Variants in OXCT1 observed in about 807,000 individuals in gnomAD.
OXCT1 encodes 3-oxoacid CoA-transferase 1, also known as succinyl-CoA:3-ketoacid coenzyme A transferase 1, mitochondrial.
In OXCT1, 27 loss-of-function variants were observed where a neutral mutation model predicts 69.6. That is an observed-to-expected ratio of 0.39 (90% CI 0.29 to 0.54). OXCT1 has a LOEUF of 0.54. Ranked by LOEUF, OXCT1 falls within the 20% of genes least tolerant of loss-of-function variation. OXCT1 has a pLI of 0.72. For synonymous variants in OXCT1, 202 were observed against 217.8 expected (o/e 0.93, Z 0.64); for missense variants, 437 against 650.2 (o/e 0.67, Z 3.57).
intron 1 of OXCT1, chr5:41,869,975 C>G (rs1047951142): frequency 8.0e-5 from 35 of 436,504 alleles, no homozygotes; most frequent in African/African-American, 6.6e-4. Context: ...GGGAAGCCGA[C>G]GAGCGCCAAA....
chr5:41,858,580 CT>C (rs780420624), intron 3 of OXCT1, among the ~76,000 whole-genome samples: 10 of 152,110 alleles, frequency 6.6e-5, no homozygotes, highest in African/African-American at 1.4e-4. Context: ...TAGAAAAAGT[CT>C]AAGGCCAAGA....
At chr5:41,769,501 T>A (rs2112132238) in intron 13 of OXCT1, among the ~76,000 whole-genome samples, 1 of 147,130 alleles carries the variant, frequency 6.8e-6, no homozygotes, top group Admixed American at 6.9e-5. Context: ...GGTAGGAGGA[T>A]CACTTAAGCC....
chr5:41,745,853 G>GA, intron 15 of OXCT1, among the ~76,000 whole-genome samples: 1 of 152,062 alleles, frequency 6.6e-6, no homozygotes, highest in Admixed American at 6.6e-5. Context: ...AAACCAGGAA[G>GA]AAGTTGAATC....
At chr5:41,793,643 G>A (rs1488185977) in intron 13 of OXCT1, among the ~76,000 whole-genome samples, 2 of 152,126 alleles carry the variant, frequency 1.3e-5, no homozygotes, top group African/African-American at 2.4e-5. Flanking sequence ...AATTAACAAC[G>A]CTAACAAACT....
At chr5:41,782,659 T>C (rs963947328) in intron 13 of OXCT1, among the ~76,000 whole-genome samples, 9 of 152,366 alleles carry the variant, frequency 5.9e-5, no homozygotes, top group East Asian at 1.9e-4. Context: ...ATTTTTCAGA[T>C]GGATAGATTG....
At chr5:41,843,104 G>A (rs1208508774) in intron 5 of OXCT1, among the ~76,000 whole-genome samples, 3 of 152,162 alleles carry the variant, frequency 2.0e-5, no homozygotes, top group African/African-American at 7.2e-5. Flanking sequence ...TATATTGAAT[G>A]TGAAAAATAG....
intron 5 of OXCT1, among the ~76,000 whole-genome samples, chr5:41,846,601 T>C (rs1748918795): frequency 6.6e-6 from 1 of 152,066 alleles, no homozygotes; most frequent in Admixed American, 6.6e-5. Flanking sequence ...TACGTGTGCA[T>C]GTGTCTTTAA....
At chr5:41,791,809 T>TA (rs1331814689) in intron 13 of OXCT1, among the ~76,000 whole-genome samples, 6 of 152,006 alleles carry the variant, frequency 3.9e-5, no homozygotes, top group Admixed American at 6.5e-5. Flanking sequence ...TTTATTTATT[T>TA]TTTTTTTTAT....
chr5:41,853,802 CA>C, intron 3 of OXCT1: 1 of 561,052 alleles, frequency 1.8e-6, no homozygotes, highest in African/African-American at 1.9e-5. Flanking sequence ...ATGCACAGGG[CA>C]AGGTCTTGGG....
At chr5:41,795,961 C>T (rs530111115) in intron 11 of OXCT1, among the ~76,000 whole-genome samples, 5 of 152,256 alleles carry the variant, frequency 3.3e-5, no homozygotes, top group African/African-American at 7.2e-5. Flanking sequence ...CCTGAACTCT[C>T]GACTTTTCAT....
At chr5:41,819,117 A>G (rs980036269) in intron 7 of OXCT1, among the ~76,000 whole-genome samples, 10 of 152,196 alleles carry the variant, frequency 6.6e-5, no homozygotes, top group African/African-American at 1.9e-4. Context: ...CTTTAAAATC[A>G]TAAGTTATAT....
intron 13 of OXCT1, among the ~76,000 whole-genome samples, chr5:41,777,417 A>C (rs1302506633): frequency 6.6e-6 from 1 of 152,186 alleles, no homozygotes; most frequent in Non-Finnish European, 1.5e-5. Flanking sequence ...CTCTGTCTTA[A>C]AAAAAACCGT....
chr5:41,856,512 C>T (rs35613904), intron 3 of OXCT1, among the ~76,000 whole-genome samples: 34,091 of 152,136 alleles, frequency 0.22, 3,935 homozygotes, highest in Middle Eastern at 0.3. Context: ...CAAGTGACCA[C>T]TCCAGCTCAG....
At chr5:41,853,930 T>C (rs1030485180) in intron 3 of OXCT1, among the ~76,000 whole-genome samples, 1 of 152,154 alleles carries the variant, frequency 6.6e-6, no homozygotes, top group African/African-American at 2.4e-5. Flanking sequence ...AGCAAAGAGA[T>C]GAATTGGTTC....
chr5:41,755,764 A>G (rs953055782), intron 14 of OXCT1, among the ~76,000 whole-genome samples: 4 of 152,154 alleles, frequency 2.6e-5, no homozygotes, highest in African/African-American at 9.6e-5. Context: ...AAGATACTTG[A>G]CTATAATTTG....
chr5:41,853,308 G>T, intron 4 of OXCT1, 111 bp downstream of exon 4: 3 of 929,984 alleles, frequency 3.2e-6, no homozygotes, highest in Non-Finnish European at 5.0e-6. Context: ...CCCTGGTTTG[G>T]CAAAGTACTA....
intron 7 of OXCT1, among the ~76,000 whole-genome samples, chr5:41,838,832 T>C (rs1748496086): frequency 6.6e-6 from 1 of 152,092 alleles, no homozygotes; most frequent in South Asian, 2.1e-4. Context: ...CCCTTGAACA[T>C]CTAGGCTCAA....
In OXCT1 at chr5:41,834,910, C is replaced by A. The variant is rs558846223; in HGVS notation, c.732+5541G>T. The stretch of plus-strand genomic sequence containing the variant: ...TACATCAAAAAAGAAAAAGAAATAA[C>A]CTAATGATGTAACTTAAAGAACTAG... On this transcript the variant is annotated intron_variant, in intron 7 of 16. Transcript: ENST00000196371. Among the ~76,000 whole-genome samples the A allele has an allele frequency of 9.2e-5, 14 of 152,086 alleles. No individual in the cohort carries two copies. The East Asian group carries it at 2.7e-3, about 29-fold the overall frequency.
chr5:41,773,128 A>C (rs954751485), intron 13 of OXCT1, among the ~76,000 whole-genome samples: 4 of 152,234 alleles, frequency 2.6e-5, no homozygotes, highest in African/African-American at 9.6e-5. Context: ...AAGATATAAC[A>C]GGAGATTCAA....
Sources: gnomAD v4.1 joint callset for allele counts (sites outside exome capture counted in the v4.1 genomes callset) on GRCh38, gnomAD v4.1.1 for gene constraint, MANE v1.5 for transcripts, NCBI Gene and HGNC (gene_info 2026-07-23, HGNC 2026-07-21) for gene names.